Variants in HELZ observed in about 807,000 individuals in gnomAD.
HELZ encodes ATP-dependent RNA helicase with zinc finger domain.
Under a neutral mutation model 218.2 loss-of-function variants are expected in HELZ, and 23 were observed. That is an observed-to-expected ratio of 0.11 (90% CI 0.08 to 0.15). HELZ has a LOEUF of 0.15. HELZ is among the 10% of genes least tolerant of loss of function. The pLI, the probability that HELZ is intolerant of heterozygous loss-of-function variation, is 1.00. For missense variants in HELZ, 1,813 were observed against 2,353.7 expected (o/e 0.77, Z 4.75); for synonymous variants, 814 against 829.4 (o/e 0.98, Z 0.32).
intron 12 of HELZ, chr17:67,179,640 T>C (rs2039552782): frequency 6.6e-6 from 1 of 152,102 alleles, no homozygotes; most frequent in African/African-American, 2.4e-5. Flanking sequence ...ATGAAATCCA[T>C]AGTAACATAA....
At chr17:67,189,836 A>T in intron 10 of HELZ, 140 bp from the exon 11 acceptor site, 1 of 628,272 alleles carries the variant, frequency 1.6e-6, no homozygotes, top group Non-Finnish European at 2.8e-6. Context: ...CTTCATTTTC[A>T]GTAATTTTGA....
intron 15 of HELZ, among the ~76,000 whole-genome samples, chr17:67,165,493 G>A (rs2039116850): frequency 1.3e-5 from 2 of 152,068 alleles, no homozygotes; most frequent in African/African-American, 4.8e-5. Context: ...TCTTGGAAAG[G>A]GCCATCCTAC....
intron 4 of HELZ, among the ~76,000 whole-genome samples, chr17:67,217,872 G>A (rs1378768655): frequency 1.3e-5 from 2 of 151,038 alleles, no homozygotes; most frequent in African/African-American, 2.4e-5. Flanking sequence ...TTTTTCATGC[G>A]GTTACTACCT....
At chr17:67,128,986 T>C (rs1209931802) in intron 23 of HELZ, 131 bp from the exon 24 acceptor site, 1 of 695,298 alleles carries the variant, frequency 1.4e-6, no homozygotes, top group African/African-American at 1.8e-5. Flanking sequence ...TCATCTATGA[T>C]TGAGATAAAA....
intron 25 of HELZ, among the ~76,000 whole-genome samples, 156 bp from the exon 26 acceptor site, chr17:67,123,316 C>CA (rs539664745): frequency 6.5e-4 from 93 of 144,088 alleles, no homozygotes; most frequent in African/African-American, 9.1e-4. Context: ...AAGCATATTA[C>CA]AAAAAAAAAA....
intron 21 of HELZ, 36 bp downstream of exon 21, chr17:67,145,707 G>A: frequency 7.7e-6 from 12 of 1,549,324 alleles, no homozygotes; most frequent in Non-Finnish European, 1.1e-5. Context: ...ATGTGACTGA[G>A]AAAATGTTAA....
At chr17:67,150,931 T>C in intron 18 of HELZ, 115 bp downstream of exon 18, 1 of 815,160 alleles carries the variant, frequency 1.2e-6, no homozygotes, top group South Asian at 1.8e-5. Flanking sequence ...TAAAACTTTA[T>C]TTACAAAAAC....
At chr17:67,190,384 C>G in intron 9 of HELZ, 29 bp from the exon 10 acceptor site, 1 of 1,534,430 alleles carries the variant, frequency 6.5e-7, no homozygotes, top group South Asian at 1.1e-5. Context: ...ACTGTTTTAT[C>G]ATATACTTTG....
rs557712743 is a variant in HELZ, at chr17:67,227,997, C to G, written c.-18-9175G>C. Among the ~76,000 whole-genome samples the G allele has an allele frequency of 5.9e-5, 9 of 152,256 alleles. No individual in the cohort carries two copies. In the South Asian group the frequency reaches 1.9e-3, roughly 32 times the overall value. On this transcript the variant is annotated intron_variant, in intron 3 of 32. Transcript: ENST00000358691. ...AACTAAAATTTCTTCTATCTAAATT[C>G]AAGATGATTTCTGCATCTCTGTCTT...
intron 32 of HELZ, among the ~76,000 whole-genome samples, chr17:67,082,698 A>G (rs2036231453): frequency 6.6e-6 from 1 of 152,146 alleles, no homozygotes; most frequent in Admixed American, 6.5e-5. Flanking sequence ...AGTTTAACAA[A>G]TATTTCAATA....
At position 67,176,763 on chromosome 17, in the gene HELZ, G is replaced by GC. The variant is rs1261686609; in HGVS notation, c.1430+1895dup. On this transcript the variant is annotated intron_variant, in intron 13 of 32. Coordinates refer to ENST00000358691, the MANE Select transcript of HELZ (RefSeq NM_014877.4). ...AGTTAGGCTGGAGATGATCACCCCA[G>GC]CCCGGGAGGTTGAGGCTGCAGTGAG... 6 of 152,378 alleles carry GC rather than the reference G, an allele frequency of 3.9e-5. No individual in the cohort carries two copies. In the East Asian group the frequency reaches 1.2e-3, roughly 29 times the overall value. The allele number at this position is 152,378 out of a possible 1,614,324, so 9.4% of individuals were successfully genotyped here. A position where few individuals can be genotyped will look rare whatever the true frequency, so the allele number is the denominator to read the frequency against.
chr17:67,165,424 C>T (rs1034392591), intron 15 of HELZ, among the ~76,000 whole-genome samples: 1 of 152,146 alleles, frequency 6.6e-6, no homozygotes, highest in Non-Finnish European at 1.5e-5. Flanking sequence ...GCCAGCTGAA[C>T]GTCAACACCC....
At chr17:67,170,251 C>T (rs1176709635) in intron 13 of HELZ, among the ~76,000 whole-genome samples, 1 of 152,248 alleles carries the variant, frequency 6.6e-6, no homozygotes, top group African/African-American at 2.4e-5. Context: ...GGCTCTGCCT[C>T]TGCACCAAGT....
At chr17:67,087,125 G>T in intron 31 of HELZ, 44 bp from the exon 32 acceptor site, 1 of 1,588,494 alleles carries the variant, frequency 6.3e-7, no homozygotes, top group Non-Finnish European at 8.6e-7. Flanking sequence ...TGCACCTTGT[G>T]CCATAGTCCT....
intron 5 of HELZ, among the ~76,000 whole-genome samples, chr17:67,207,609 T>A (rs953573286): frequency 6.6e-6 from 1 of 152,200 alleles, no homozygotes; most frequent in African/African-American, 2.4e-5. Flanking sequence ...CCAAAAACTT[T>A]CCTAAAAATT....
intron 15 of HELZ, among the ~76,000 whole-genome samples, chr17:67,164,879 A>G (rs1449077232): frequency 6.6e-6 from 1 of 152,210 alleles, no homozygotes; most frequent in African/African-American, 2.4e-5. Context: ...TGAGCAGTGA[A>G]ATGACATGAT....
At chr17:67,146,855 A>G (rs1365742479) in intron 20 of HELZ, among the ~76,000 whole-genome samples, 1 of 152,162 alleles carries the variant, frequency 6.6e-6, no homozygotes, top group Non-Finnish European at 1.5e-5. Flanking sequence ...TGGTCAGGGT[A>G]GTGACTGGAA....
Position 67,108,824 on chromosome 17 carries a change from A to T in HELZ, c.4490-98T>A, listed in dbSNP as rs1279849170. Reference sequence around the variant, plus strand: ...CATATTTTCTCCACAAAGACAAAGGACGTAGCTACAAATTTGGTTTTGGTA... The same window carrying T: ...CATATTTTCTCCACAAAGACAAAGGTCGTAGCTACAAATTTGGTTTTGGTA... On this transcript the variant is annotated intron_variant, in intron 29 of 32. Coordinates refer to ENST00000358691, the MANE Select transcript of HELZ (RefSeq NM_014877.4). The surrounding 1 kb of genome is among the most constrained non-coding windows in gnomAD (Gnocchi z 4.1). The T allele has an allele frequency of 4.1e-6, 4 of 965,432 alleles. No individual in the cohort carries two copies. Among genetic ancestry groups the T allele is most frequent in the Non-Finnish European group, 4.5e-6 (3 of 664,540 alleles). The allele number at this position is 965,432 out of a possible 1,614,324, so 59.8% of individuals were successfully genotyped here.
In HELZ at chr17:67,166,603, T is replaced by C. The variant is rs1272005356; in HGVS notation, c.1770A>G (p.Glu590=). ...NLRPDCDTQV[E]LQFQLNRLPL... ...GTAATCGATTTAATTGAAACTGAAGTTCAACCTGAAAGACAAAATGAATGT... is the reference window on the plus strand; with the variant it reads ...GTAATCGATTTAATTGAAACTGAAGCTCAACCTGAAAGACAAAATGAATGT... Residue 590 remains glutamate (E), a synonymous_variant, in exon 15 of 33, where the codon GAA becomes GAG. Coordinates refer to ENST00000358691, the MANE Select transcript of HELZ (RefSeq NM_014877.4). 6.2e-7 allele frequency: 1 copy of C among 1,613,302 alleles called. No homozygotes were observed. Among genetic ancestry groups the C allele is most frequent in the Admixed American group, 1.7e-5 (1 of 59,980 alleles).
Sources: gnomAD v4.1 joint callset for allele counts (sites outside exome capture counted in the v4.1 genomes callset) on GRCh38, gnomAD v4.1.1 for gene constraint, Gnocchi (gnomAD v3.1) non-coding constraint, MANE v1.5 for transcripts, NCBI Gene and HGNC (gene_info 2026-07-23, HGNC 2026-07-21) for gene names.